Variants in CA10 observed in about 807,000 individuals in gnomAD.
CA10 encodes the protein carbonic anhydrase-related protein 10.
A neutral mutation model predicts 44.2 loss-of-function variants in CA10; 14 were observed. That is an observed-to-expected ratio of 0.32 (90% CI 0.21 to 0.50). CA10 has a LOEUF of 0.50. Ranked by LOEUF, CA10 falls within the 20% of genes least tolerant of loss-of-function variation. The probability of loss-of-function intolerance (pLI) is 0.99; values close to 1 mark genes in which losing one functional copy is unlikely to be tolerated. For missense variants in CA10, 350 were observed against 409.7 expected, an observed-to-expected ratio of 0.85 and a Z score of 1.26; for synonymous variants, 159 against 141.6, an observed-to-expected ratio of 1.12 and a Z score of -0.87.
chr17:52,111,035 G>T (rs892090400), intron 1 of CA10, among the ~76,000 whole-genome samples: 6 of 152,134 alleles, frequency 3.9e-5, no homozygotes, highest in African/African-American at 1.4e-4. Context: ...CTAAATTGAA[G>T]AATCTAAATT....
chr17:52,150,785 T>C (rs1366723778), intron 1 of CA10, among the ~76,000 whole-genome samples: 1 of 152,178 alleles, frequency 6.6e-6, no homozygotes, highest in African/African-American at 2.4e-5. Context: ...TACAGATGAT[T>C]CATTTCTCTT....
chr17:52,059,444 A>G (rs1043571740), intron 2 of CA10, among the ~76,000 whole-genome samples: 10 of 152,112 alleles, frequency 6.6e-5, no homozygotes, highest in Non-Finnish European at 1.3e-4. Flanking sequence ...TGCTGCATCT[A>G]TTATCCAAAG....
At chr17:52,153,522 T>G (rs944025412) in intron 1 of CA10, among the ~76,000 whole-genome samples, 41 of 152,282 alleles carry the variant, frequency 2.7e-4, no homozygotes, top group African/African-American at 9.6e-4. Context: ...AACTCCATAT[T>G]GGACTCATAG....
chr17:51,829,496 G>C (rs1230434079), intron 3 of CA10, among the ~76,000 whole-genome samples: 1 of 152,142 alleles, frequency 6.6e-6, no homozygotes, highest in African/African-American at 2.4e-5. Flanking sequence ...ACGTTGAAAA[G>C]CTTCATGCTA....
intron 4 of CA10, among the ~76,000 whole-genome samples, chr17:51,719,884 C>CA (rs1352738312): frequency 2.0e-5 from 3 of 151,658 alleles, no homozygotes; most frequent in African/African-American, 4.8e-5. Context: ...GGGCCTGTCA[C>CA]AAAAAAACAA....
chr17:52,109,697 A>T (rs1487870727), intron 1 of CA10, among the ~76,000 whole-genome samples: 1 of 152,204 alleles, frequency 6.6e-6, no homozygotes, highest in Non-Finnish European at 1.5e-5. Flanking sequence ...TTTAAAATCT[A>T]TCAGGTCTAG....
intron 2 of CA10, among the ~76,000 whole-genome samples, chr17:52,017,836 A>G (rs768537521): frequency 3.3e-5 from 5 of 152,108 alleles, no homozygotes; most frequent in Non-Finnish European, 1.5e-5. Context: ...AAGGCATTTC[A>G]CAAGTTTCTG....
chr17:52,119,928 A>T (rs1988976443), intron 1 of CA10, among the ~76,000 whole-genome samples: 1 of 152,226 alleles, frequency 6.6e-6, no homozygotes, highest in Admixed American at 6.5e-5. Context: ...ACTGCAGCTC[A>T]GAAGAAACAA....
chr17:52,012,826 TAAA>T (rs5820898), intron 2 of CA10, among the ~76,000 whole-genome samples: 1 of 149,896 alleles, frequency 6.7e-6, no homozygotes, highest in Non-Finnish European at 1.5e-5. Context: ...GTGTTAATTA[TAAA>T]AAAAAAAATG....
At chr17:51,704,871 G>T (rs1280882158) in intron 4 of CA10, among the ~76,000 whole-genome samples, 1 of 151,792 alleles carries the variant, frequency 6.6e-6, no homozygotes, top group African/African-American at 2.4e-5. Context: ...GCTGAGGCAG[G>T]AGAATCGCTT....
chr17:51,794,560 A>G (rs1359931287), intron 3 of CA10, among the ~76,000 whole-genome samples: 1 of 152,232 alleles, frequency 6.6e-6, no homozygotes, highest in Non-Finnish European at 1.5e-5. Context: ...GATATTTACT[A>G]AATAACACCA....
intron 4 of CA10, among the ~76,000 whole-genome samples, chr17:51,743,593 CA>C (rs575729520): frequency 7.4e-4 from 113 of 152,324 alleles, no homozygotes; most frequent in African/African-American, 2.5e-3. Flanking sequence ...TGATTACCAT[CA>C]ATTACAATAA....
chr17:51,640,319 C>A (rs1273212865), intron 6 of CA10, among the ~76,000 whole-genome samples: 1 of 152,198 alleles, frequency 6.6e-6, no homozygotes, highest in African/African-American at 2.4e-5. Flanking sequence ...GGAAGCATCT[C>A]TGAGGCTCCA....
intron 4 of CA10, among the ~76,000 whole-genome samples, chr17:51,733,688 T>C (rs968897858): frequency 6.6e-6 from 1 of 152,174 alleles, no homozygotes; most frequent in Admixed American, 6.5e-5. Context: ...TTTTGTTTGA[T>C]GGCAAAGGAG....
chr17:51,953,512 T>C (rs1276973864), intron 2 of CA10, among the ~76,000 whole-genome samples: 1 of 151,928 alleles, frequency 6.6e-6, no homozygotes, highest in Non-Finnish European at 1.5e-5. Context: ...CTGCTGGAAA[T>C]TTTATTGGGA....
At position 51,966,478 on chromosome 17, in the gene CA10, C is replaced by A. The variant is rs554525735; in HGVS notation, c.137-35346G>T. On this transcript the variant is annotated intron_variant, in intron 2 of 8. Transcript: ENST00000451037. ...AGCTATACTACAAGCCTACAGTAAC[C>A]AAAACAGCATGGTACTGGTACAAAA... 2.6e-5 allele frequency among the ~76,000 whole-genome samples: 4 copies of A among 152,002 alleles called. No individual in the cohort carries two copies. The South Asian group carries it at 8.3e-4, about 32-fold the overall frequency.
chr17:51,916,578 G>T (rs1567884074), intron 3 of CA10, among the ~76,000 whole-genome samples: 1 of 152,148 alleles, frequency 6.6e-6, no homozygotes, highest in African/African-American at 2.4e-5. Flanking sequence ...TGTGAGACAT[G>T]CCTTTGACCT....
intron 3 of CA10, among the ~76,000 whole-genome samples, chr17:51,797,850 C>CAAAAAAAAAA: frequency 1.4e-5 from 1 of 73,768 alleles, no homozygotes; most frequent in Non-Finnish European, 2.5e-5. Context: ...GGCTCCATCT[C>CAAAAAAAAAA]AAAAAAAAAA....
At chr17:52,006,343 A>C (rs894105160) in intron 2 of CA10, among the ~76,000 whole-genome samples, 1 of 151,906 alleles carries the variant, frequency 6.6e-6, no homozygotes, top group Non-Finnish European at 1.5e-5. Flanking sequence ...ATGGGGCTAA[A>C]ATTATAAAAT....
Sources: gnomAD v4.1 joint callset for allele counts (sites outside exome capture counted in the v4.1 genomes callset) on GRCh38, gnomAD v4.1.1 for gene constraint, MANE v1.5 for transcripts, NCBI Gene and HGNC (gene_info 2026-07-23, HGNC 2026-07-21) for gene names.